The following SPARC variants were observed in gnomAD, a reference collection of about 807,000 sequenced individuals.
SPARC encodes secreted protein acidic and cysteine rich.
A neutral mutation model predicts 37.7 loss-of-function variants in SPARC; 23 were observed. That is an observed-to-expected ratio of 0.61 (90% CI 0.44 to 0.87). SPARC has a LOEUF of 0.87. Among genes scored for constraint, SPARC ranks in the 40% least tolerant of loss-of-function variants. The pLI, the probability that SPARC is intolerant of heterozygous loss-of-function variation, is 0.00. For missense variants in SPARC, 312 were observed against 389.0 expected (o/e 0.80, Z 1.66); for synonymous variants, 155 against 150.8 (o/e 1.03, Z -0.20).
chr5:151,671,435 C>T lies in SPARC; in HGVS notation c.330+138G>A, dbSNP rs1760746617. On this transcript the variant is annotated intron_variant, in intron 5 of 9. Coordinates refer to ENST00000231061, the MANE Select transcript of SPARC (RefSeq NM_003118.4). ...ACTCTGACTCATCCCCTCTTTCCTG[C>T]TGGGACTAGGTCTAGCAAGGGGACT... is the stretch of plus-strand genomic sequence containing the variant. The T allele has an allele frequency of 3.8e-6, 4 of 1,043,960 alleles. No homozygotes were observed. The African/African-American group carries it at 4.9e-5, about 13-fold the overall frequency. 64.7% of individuals were successfully genotyped at this position (1,043,960 alleles called of 1,614,324 possible). A position where few individuals can be genotyped will look rare whatever the true frequency, so the allele number is the denominator to read the frequency against.
rs1561916607 is a variant in SPARC, at chr5:151,666,499, ATCT to A, written c.593_595del (p.Lys198del). The stretch of plus-strand genomic sequence containing the variant: ...CTCCAGGCGCTTCTCATTCTCATGG[ATCT>A]TCTTCACCTGAGGGAGTAGAGACTG... On this transcript the variant is annotated inframe_deletion, in exon 8 of 10. Coordinates refer to ENST00000231061, the MANE Select transcript of SPARC (RefSeq NM_003118.4). The A allele has an allele frequency of 1.9e-6, 3 of 1,613,926 alleles. No individual in the cohort carries two copies. The highest frequency in any genetic ancestry group is 2.5e-6 in the Non-Finnish European group (3 of 1,179,948).
rs1295791412 is a variant in SPARC, at chr5:151,661,418, A to G, written c.*2153T>C. 6.6e-6 allele frequency: 1 copy of G among 152,172 alleles called. No individual in the cohort carries two copies. The highest frequency in any genetic ancestry group is 1.5e-5 in the Non-Finnish European group (1 of 68,018). The allele number at this position is 152,172 out of a possible 1,614,324, so 9.4% of individuals were successfully genotyped here. A position where few individuals can be genotyped will look rare whatever the true frequency, so the allele number is the denominator to read the frequency against. On this transcript the variant is annotated 3_prime_UTR_variant, in exon 10 of 10. Transcript: ENST00000231061. ...AATCTCTCCTACTGCTCGCCCTCCCACTGTGTAGAAGAGAACACCAGAATA... is the reference window on the plus strand; with the variant it reads ...AATCTCTCCTACTGCTCGCCCTCCCGCTGTGTAGAAGAGAACACCAGAATA...
chr5:151,683,680 G>A (rs1397801722), intron 1 of SPARC, among the ~76,000 whole-genome samples: 1 of 152,046 alleles, frequency 6.6e-6, no homozygotes. Flanking sequence ...CTGATGGCAT[G>A]TCTGTGTAAG....
Position 151,664,148 on chromosome 5 carries a change from G to C in SPARC, c.822C>G (p.Asp274Glu), listed in dbSNP as rs756810157. The C allele has an allele frequency of 2.8e-5, 46 of 1,614,086 alleles. No individual in the cohort carries two copies. Among genetic ancestry groups the C allele is most frequent in the Admixed American group, 1.3e-4 (8 of 60,010 alleles). ...HCTTRFFETC[D>E]LDNDKYIALD... Reference sequence around the variant, plus strand: ...GGGCGATGTACTTGTCATTGTCCAGGTCACAGGTCTCGAAAAAGCGGGTGG... The same window carrying C: ...GGGCGATGTACTTGTCATTGTCCAGCTCACAGGTCTCGAAAAAGCGGGTGG... The change falls in exon 9 of 10, where the codon GAC (aspartate) becomes GAG (glutamate). Residue 274 changes from aspartate to glutamate, a missense_variant. Asp to Glu is a conservative substitution (Grantham distance 45, BLOSUM62 2). Coordinates refer to ENST00000231061, the MANE Select transcript of SPARC (RefSeq NM_003118.4).
intron 3 of SPARC, among the ~76,000 whole-genome samples, 153 bp from the exon 4 acceptor site, chr5:151,673,369 G>T (rs554902664): frequency 2.0e-5 from 3 of 152,324 alleles, no homozygotes; most frequent in Non-Finnish European, 4.4e-5. Context: ...AGTATGCCTG[G>T]GATTCTGTTG....
At chr5:151,668,998 G>C (rs1760688371) in intron 6 of SPARC, among the ~76,000 whole-genome samples, 1 of 152,052 alleles carries the variant, frequency 6.6e-6, no homozygotes, top group African/African-American at 2.4e-5. Context: ...TGTGGTCTTG[G>C]GGGTCTCCCA....
At position 151,661,376 on chromosome 5, in the gene SPARC, C is replaced by G. The variant is rs954262825; in HGVS notation, c.*2195G>C. 1.3e-5 allele frequency: 2 copies of G among 152,200 alleles called. No homozygotes were observed. Among genetic ancestry groups the G allele is most frequent in the African/African-American group, 4.8e-5 (2 of 41,444 alleles). 9.4% of individuals were successfully genotyped at this position (152,200 alleles called of 1,614,324 possible). A position where few individuals can be genotyped will look rare whatever the true frequency, so the allele number is the denominator to read the frequency against. On this transcript the variant is annotated 3_prime_UTR_variant, in exon 10 of 10. Coordinates refer to ENST00000231061, the MANE Select transcript of SPARC (RefSeq NM_003118.4). The stretch of plus-strand genomic sequence containing the variant: ...TGCTGGGCTTGCATTCCTCAAATGG[C>G]CAGCACCAAATGGGCCAATCTCTCC...
At chr5:151,678,896 G>A (rs367781544) in intron 1 of SPARC, among the ~76,000 whole-genome samples, 27 of 147,820 alleles carry the variant, frequency 1.8e-4, no homozygotes, top group South Asian at 1.3e-3. Context: ...GAAGGGAAGC[G>A]GCTGAACTAT....
chr5:151,683,567 G>A (rs981388555), intron 1 of SPARC, among the ~76,000 whole-genome samples: 12 of 152,198 alleles, frequency 7.9e-5, no homozygotes, highest in South Asian at 6.2e-4. Context: ...TAGGTTACAC[G>A]TCTGTCTCAT....
At chr5:151,672,047 G>A (rs1202646459) in intron 4 of SPARC, among the ~76,000 whole-genome samples, 1 of 152,160 alleles carries the variant, frequency 6.6e-6, no homozygotes, top group African/African-American at 2.4e-5. Flanking sequence ...GGGCATTTCT[G>A]GATTCCAGAA....
rs746936267 is a variant in SPARC, at chr5:151,674,678, T to C, written c.58-4A>G. The C allele has an allele frequency of 1.9e-6, 3 of 1,613,952 alleles. No individual in the cohort carries two copies. Among genetic ancestry groups the C allele is most frequent in the African/African-American group, 2.7e-5 (2 of 74,906 alleles). ...CATCAGGCAGGGCTTCTTGCTGCTG[T>C]TGGAAAGAGAAAGTAGCGTTCAGAG... On this transcript the variant is annotated splice_region_variant and splice_polypyrimidine_tract_variant and intron_variant, in intron 2 of 9. Transcript: ENST00000231061.
intron 1 of SPARC, among the ~76,000 whole-genome samples, chr5:151,678,594 A>T (rs1399672638): frequency 6.6e-6 from 1 of 152,158 alleles, no homozygotes; most frequent in African/African-American, 2.4e-5. Flanking sequence ...TCTGAGGTTG[A>T]GAGGGAGGAA....
chr5:151,683,511 C>T (rs964634881), intron 1 of SPARC, among the ~76,000 whole-genome samples: 1 of 152,208 alleles, frequency 6.6e-6, no homozygotes, highest in African/African-American at 2.4e-5. Context: ...CTTCCTGAGC[C>T]TCAGTTTCTC....
At chr5:151,683,574 T>G (rs1262545349) in intron 1 of SPARC, among the ~76,000 whole-genome samples, 2 of 152,246 alleles carry the variant, frequency 1.3e-5, no homozygotes, top group Non-Finnish European at 2.9e-5. Flanking sequence ...CACGTCTGTC[T>G]CATTGTCATG....
chr5:151,676,751 A>T (rs922615214), intron 1 of SPARC, among the ~76,000 whole-genome samples: 5 of 151,960 alleles, frequency 3.3e-5, no homozygotes, highest in Non-Finnish European at 7.4e-5. Flanking sequence ...TTTTCCCTAA[A>T]CCCAATCTCT....
At position 151,662,497 on chromosome 5, in the gene SPARC, A is replaced by T. The variant is rs527280912; in HGVS notation, c.*1074T>A. 3 of 152,750 alleles carry T rather than the reference A, an allele frequency of 2.0e-5. No individual in the cohort carries two copies. The East Asian group carries it at 5.8e-4, about 29-fold the overall frequency. The allele number at this position is 152,750 out of a possible 1,614,324, so 9.5% of individuals were successfully genotyped here. A position where few individuals can be genotyped will look rare whatever the true frequency, so the allele number is the denominator to read the frequency against. On this transcript the variant is annotated 3_prime_UTR_variant, in exon 10 of 10. Coordinates refer to ENST00000231061, the MANE Select transcript of SPARC (RefSeq NM_003118.4). Reference sequence around the variant, plus strand: ...TTGTGAAACTCTTCACATCATGGTGAGAGTTTGTATGATTAATAAGAAGCA... The same window carrying T: ...TTGTGAAACTCTTCACATCATGGTGTGAGTTTGTATGATTAATAAGAAGCA...
chr5:151,676,237 G>A (rs761101344), intron 1 of SPARC, 36 bp from the exon 2 acceptor site: 2 of 1,435,920 alleles, frequency 1.4e-6, no homozygotes, highest in Admixed American at 3.6e-5. Context: ...CAGTGAGGGT[G>A]AGACTTCCTT....
At chr5:151,669,616 G>C (rs781380631) in intron 6 of SPARC, 48 bp downstream of exon 6, 2 of 1,598,448 alleles carry the variant, frequency 1.3e-6, no homozygotes, top group African/African-American at 2.7e-5. Flanking sequence ...TGCCAGCTCA[G>C]AGCTCTCTCC....
chr5:151,679,774 T>C (rs1045099337), intron 1 of SPARC: 12 of 152,214 alleles, frequency 7.9e-5, no homozygotes, highest in Non-Finnish European at 1.2e-4. Context: ...CCTCAAAACA[T>C]AAAGGGCCTC....
Sources: allele counts gnomAD v4.1 joint callset (sites outside exome capture counted in the v4.1 genomes callset), GRCh38; gene constraint gnomAD v4.1.1; transcripts MANE v1.5; gene names NCBI Gene and HGNC (gene_info 2026-07-23, HGNC 2026-07-21).